CNTN4: variants seen among roughly 807,000 people sequenced by gnomAD.
CNTN4 encodes contactin-4.
Under a neutral mutation model 122.5 loss-of-function variants are expected in CNTN4, and 77 were observed. The observed-to-expected ratio is 0.63, with a 90% CI of 0.52 to 0.76. CNTN4 has a LOEUF of 0.76. Ranked by LOEUF, CNTN4 falls within the 30% of genes least tolerant of loss-of-function variation. The pLI is 0.00. For missense variants in CNTN4, 1,256 were observed against 1,259.1 expected (o/e 1.00, Z 0.04); for synonymous variants, 512 against 447.0 (o/e 1.15, Z -1.83).
intron 17 of CNTN4, among the ~76,000 whole-genome samples, chr3:3,036,851 T>C (rs1277075117): frequency 6.6e-6 from 1 of 152,094 alleles, no homozygotes; most frequent in Admixed American, 6.6e-5. Context: ...GTTGAAATAG[T>C]GTGTCTGGCA....
intron 4 of CNTN4, among the ~76,000 whole-genome samples, chr3:2,703,804 C>G (rs1379255831): frequency 2.0e-5 from 3 of 151,902 alleles, no homozygotes; most frequent in East Asian, 1.9e-4. Flanking sequence ...AAAAACATAG[C>G]CCTATATGTG....
At chr3:2,235,605 A>C (rs867164277) in intron 2 of CNTN4, among the ~76,000 whole-genome samples, 1 of 152,146 alleles carries the variant, frequency 6.6e-6, no homozygotes, top group Non-Finnish European at 1.5e-5. Context: ...TTGCTATCCT[A>C]TATGATGAAC....
chr3:2,937,875 G>C (rs1290949385), intron 13 of CNTN4, among the ~76,000 whole-genome samples: 1 of 152,052 alleles, frequency 6.6e-6, no homozygotes, highest in Non-Finnish European at 1.5e-5. Context: ...CTCCATGCTG[G>C]AGCCCATGTA....
chr3:2,200,544 C>A (rs2149386222), intron 2 of CNTN4, among the ~76,000 whole-genome samples: 1 of 152,234 alleles, frequency 6.6e-6, no homozygotes, highest in East Asian at 1.9e-4. Context: ...TACAGGACCA[C>A]CCCTTCAACA....
intron 4 of CNTN4, among the ~76,000 whole-genome samples, chr3:2,696,593 C>T (rs1361254028): frequency 6.6e-6 from 1 of 152,130 alleles, no homozygotes; most frequent in African/African-American, 2.4e-5. Flanking sequence ...TTCCAGCCTC[C>T]AGAACTGTGA....
At chr3:2,433,807 AG>A (rs1367030010) in intron 3 of CNTN4, among the ~76,000 whole-genome samples, 1 of 152,168 alleles carries the variant, frequency 6.6e-6, no homozygotes, top group Non-Finnish European at 1.5e-5. Context: ...TTACGATGTG[AG>A]GTAAGTTTCC....
intron 6 of CNTN4, among the ~76,000 whole-genome samples, chr3:2,806,651 T>G (rs2092474677): frequency 6.6e-6 from 1 of 152,226 alleles, no homozygotes; most frequent in Non-Finnish European, 1.5e-5. Context: ...TGTTTTTAAC[T>G]TTTAGATATA....
chr3:2,728,742 A>T (rs150831326), intron 4 of CNTN4, among the ~76,000 whole-genome samples: 3 of 152,302 alleles, frequency 2.0e-5, no homozygotes, highest in African/African-American at 7.2e-5. Context: ...ATCTAAACCC[A>T]TGCAGTCTTC....
At chr3:2,211,726 A>G (rs951416085) in intron 2 of CNTN4, among the ~76,000 whole-genome samples, 3 of 152,098 alleles carry the variant, frequency 2.0e-5, no homozygotes, top group East Asian at 1.9e-4. Flanking sequence ...AGTCTGTAGC[A>G]TTCTTCCACA....
At chr3:2,133,384 A>G (rs1363342403) in intron 2 of CNTN4, among the ~76,000 whole-genome samples, 1 of 152,196 alleles carries the variant, frequency 6.6e-6, no homozygotes. Context: ...GAGGGGCAAT[A>G]AAATGCATGG....
chr3:2,666,709 C>T (rs2084186643), intron 4 of CNTN4, among the ~76,000 whole-genome samples: 2 of 151,894 alleles, frequency 1.3e-5, no homozygotes, highest in Non-Finnish European at 2.9e-5. Flanking sequence ...TCCTCCTTTA[C>T]ATTAGGTATA....
intron 3 of CNTN4, among the ~76,000 whole-genome samples, chr3:2,513,856 C>G (rs1221842132): frequency 6.6e-6 from 1 of 151,990 alleles, no homozygotes; most frequent in African/African-American, 2.4e-5. Context: ...GCCAGATATA[C>G]CTTGTAAGAG....
chr3:2,389,466 A>T (rs977567249), intron 3 of CNTN4, among the ~76,000 whole-genome samples: 1 of 152,078 alleles, frequency 6.6e-6, no homozygotes, highest in Non-Finnish European at 1.5e-5. Flanking sequence ...ATCTTTCATA[A>T]ATGATCCCAG....
chr3:2,619,630 G>A (rs1559312045), intron 4 of CNTN4, among the ~76,000 whole-genome samples: 1 of 152,198 alleles, frequency 6.6e-6, no homozygotes, highest in Non-Finnish European at 1.5e-5. Flanking sequence ...AGCAAGTCCT[G>A]TAGAACTTAG....
At chr3:2,429,301 G>A (rs556253671) in intron 3 of CNTN4, among the ~76,000 whole-genome samples, 11 of 152,334 alleles carry the variant, frequency 7.2e-5, no homozygotes, top group African/African-American at 2.4e-4. Context: ...CCTTCAAACA[G>A]TCAGGACCCT....
intron 13 of CNTN4, among the ~76,000 whole-genome samples, chr3:2,953,357 T>C (rs1268263786): frequency 6.6e-6 from 1 of 152,114 alleles, no homozygotes; most frequent in African/African-American, 2.4e-5. Context: ...TCAGCACCAT[T>C]TGACACAGGC....
At chr3:2,354,802 A>G (rs1481081376) in intron 3 of CNTN4, among the ~76,000 whole-genome samples, 1 of 152,030 alleles carries the variant, frequency 6.6e-6, no homozygotes, top group Non-Finnish European at 1.5e-5. Context: ...CCTGCCACCT[A>G]CTCTTCCTTA....
intron 12 of CNTN4, among the ~76,000 whole-genome samples, chr3:2,904,587 C>A (rs546374915): frequency 1.3e-5 from 2 of 152,290 alleles, no homozygotes; most frequent in Admixed American, 1.3e-4. Context: ...AACACACATA[C>A]TTCTCACCCT....
intron 2 of CNTN4, among the ~76,000 whole-genome samples, chr3:2,140,020 A>G (rs1243840897): frequency 6.6e-6 from 1 of 152,178 alleles, no homozygotes; most frequent in Non-Finnish European, 1.5e-5. Flanking sequence ...TGTCATAGCA[A>G]ATGCGTCTCA....
Sources: gnomAD v4.1 joint callset for allele counts (sites outside exome capture counted in the v4.1 genomes callset) on GRCh38, gnomAD v4.1.1 for gene constraint, MANE v1.5 for transcripts, NCBI Gene and HGNC (gene_info 2026-07-23, HGNC 2026-07-21) for gene names.